Variants in HNRNPR observed in about 807,000 individuals in gnomAD.
The protein encoded by HNRNPR is heterogeneous nuclear ribonucleoprotein R.
In HNRNPR, 4 loss-of-function variants were observed where a neutral mutation model predicts 70.3. The ratio of observed to expected loss-of-function variants is 0.06; its 90% CI spans 0.03 to 0.13. The LOEUF (loss-of-function observed/expected upper bound fraction) is 0.13, where lower values mean the gene tolerates loss of function less well. Among genes scored for constraint, HNRNPR ranks in the 10% least tolerant of loss-of-function variants. HNRNPR has a pLI of 1.00. For missense variants in HNRNPR, 423 were observed against 788.5 expected (o/e 0.54, Z 5.55); for synonymous variants, 241 against 267.6 (o/e 0.90, Z 0.97).
At chr1:23,339,242 T>C (rs899293446) in intron 2 of HNRNPR, among the ~76,000 whole-genome samples, 3 of 152,360 alleles carry the variant, frequency 2.0e-5, no homozygotes, top group African/African-American at 7.2e-5. Flanking sequence ...TGCAGCTTGA[T>C]TAATCAATTC....
chr1:23,334,691 G>A (rs907358144), intron 4 of HNRNPR, among the ~76,000 whole-genome samples: 4 of 152,110 alleles, frequency 2.6e-5, no homozygotes, highest in Admixed American at 6.5e-5. Flanking sequence ...AATAAGTATA[G>A]TCAGGTTCCG....
At chr1:23,311,566 A>G (rs962560905) in intron 9 of HNRNPR, 28 of 314,698 alleles carry the variant, frequency 8.9e-5, no homozygotes, top group Non-Finnish European at 1.3e-4. Context: ...ACCTGATATT[A>G]TATTTTAAAA....
rs1028544332 is a variant in HNRNPR, at chr1:23,306,394, G to C, written c.*4060C>G. On this transcript the variant is annotated 3_prime_UTR_variant, in exon 11 of 11. Transcript: ENST00000302271. Reference sequence around the variant, plus strand: ...CCCACTACTGATAAAAAAAAAAATAGGAAAAAAAAGTTCTTACCAACAATT... The same window carrying C: ...CCCACTACTGATAAAAAAAAAAATACGAAAAAAAAGTTCTTACCAACAATT... The C allele has an allele frequency of 6.6e-6, 1 of 151,526 alleles. No individual in the cohort carries two copies. The highest frequency in any genetic ancestry group is 2.4e-5 in the African/African-American group (1 of 41,260). The allele number at this position is 151,526 out of a possible 1,614,324, so 9.4% of individuals were successfully genotyped here. A position where few individuals can be genotyped will look rare whatever the true frequency, so the allele number is the denominator to read the frequency against.
At position 23,306,764 on chromosome 1, in the gene HNRNPR, T is replaced by A. The variant is rs898549829; in HGVS notation, c.*3690A>T. On this transcript the variant is annotated 3_prime_UTR_variant, in exon 11 of 11. Coordinates refer to ENST00000302271, the MANE Select transcript of HNRNPR (RefSeq NM_005826.5). Reference sequence around the variant, plus strand: ...TGACCAATACATTGTATATGCAATATTTTTAAAGCTTGGTGTTTGCGTTTG... The same window carrying A: ...TGACCAATACATTGTATATGCAATAATTTTAAAGCTTGGTGTTTGCGTTTG... 6.6e-6 allele frequency: 1 copy of A among 152,202 alleles called. No individual in the cohort carries two copies. The highest frequency in any genetic ancestry group is 2.4e-5 in the African/African-American group (1 of 41,468). The allele number at this position is 152,202 out of a possible 1,614,324, so 9.4% of individuals were successfully genotyped here. A position where few individuals can be genotyped will look rare whatever the true frequency, so the allele number is the denominator to read the frequency against.
intron 9 of HNRNPR, chr1:23,311,972 A>C (rs2148312634): frequency 6.6e-6 from 1 of 152,406 alleles, no homozygotes. Context: ...AGAAAGCAGT[A>C]ATCAAACATT....
At position 23,318,079 on chromosome 1, in the gene HNRNPR, C is replaced by A. The variant is rs1035323536; in HGVS notation, c.1017+404G>T. Among the ~76,000 whole-genome samples the A allele has an allele frequency of 2.0e-5, 3 of 150,906 alleles. No homozygotes were observed. Among genetic ancestry groups the A allele is most frequent in the Admixed American group, 2.0e-4 (3 of 15,180 alleles). On this transcript the variant is annotated intron_variant, in intron 8 of 10. Transcript: ENST00000302271. This position sits in a 1 kb window ranked among gnomAD's most constrained non-coding sequence, Gnocchi z 4.2. The stretch of plus-strand genomic sequence containing the variant: ...CTATAAATCTAAATAAAACATAATT[C>A]ATGGCCAAGTAATAAAGTCATAATA...
intron 5 of HNRNPR, among the ~76,000 whole-genome samples, chr1:23,327,724 T>A (rs1646047440): frequency 6.6e-6 from 1 of 151,314 alleles, no homozygotes; most frequent in African/African-American, 2.4e-5. Flanking sequence ...AAATAGTGAT[T>A]ATATGATTTT....
intron 6 of HNRNPR, 121 bp downstream of exon 6, chr1:23,323,435 T>C (rs565156091): frequency 5.5e-5 from 50 of 913,998 alleles, no homozygotes; most frequent in Middle Eastern, 2.3e-4. Context: ...ACTTGGTCAG[T>C]ATAAAAACAT....
chr1:23,321,429 T>C, intron 7 of HNRNPR, 99 bp downstream of exon 7: 1 of 997,942 alleles, frequency 1.0e-6, no homozygotes, highest in African/African-American at 1.6e-5. Context: ...CAGACCTGAA[T>C]TCTTAATTTA....
chr1:23,341,827 T>G (rs939232108), intron 1 of HNRNPR, among the ~76,000 whole-genome samples: 1 of 152,188 alleles, frequency 6.6e-6, no homozygotes, highest in African/African-American at 2.4e-5. Flanking sequence ...CGTTACCTAA[T>G]TAGGCTAAAC....
At chr1:23,326,507 G>A (rs1263158008) in intron 5 of HNRNPR, among the ~76,000 whole-genome samples, 3 of 152,188 alleles carry the variant, frequency 2.0e-5, no homozygotes, top group East Asian at 1.9e-4. Flanking sequence ...TTTCCAGGCC[G>A]GGCACAGTGA....
chr1:23,321,127 C>A (rs961489786), intron 7 of HNRNPR, among the ~76,000 whole-genome samples: 2 of 141,358 alleles, frequency 1.4e-5, no homozygotes, highest in Admixed American at 1.5e-4. Flanking sequence ...CGTACCATTG[C>A]ACTCCAGCCT....
At chr1:23,343,228 C>T (rs1037412143) in intron 1 of HNRNPR, among the ~76,000 whole-genome samples, 2 of 152,112 alleles carry the variant, frequency 1.3e-5, no homozygotes, top group African/African-American at 4.8e-5. Context: ...TTTAAAAGGG[C>T]TGCTGGGAGA....
intron 4 of HNRNPR, among the ~76,000 whole-genome samples, chr1:23,336,664 C>T (rs933957640): frequency 1.1e-4 from 16 of 145,672 alleles, no homozygotes; most frequent in African/African-American, 3.9e-4. Context: ...GCAGGAGAAT[C>T]GCTTGAACCC....
chr1:23,335,424 C>T (rs1026151514), intron 4 of HNRNPR, among the ~76,000 whole-genome samples: 1 of 152,216 alleles, frequency 6.6e-6, no homozygotes, highest in Admixed American at 6.5e-5. Flanking sequence ...TGTTAGGAAC[C>T]GGGCTGCATA....
chr1:23,333,667 C>T (rs749915545), intron 4 of HNRNPR, 36 bp from the exon 5 acceptor site: 3 of 1,143,670 alleles, frequency 2.6e-6, no homozygotes, highest in Admixed American at 3.4e-5. Flanking sequence ...TACTTGAGTA[C>T]TAAATCTCAC....
chr1:23,336,116 C>CAAAA (rs71020498), intron 4 of HNRNPR, among the ~76,000 whole-genome samples: 9 of 49,482 alleles, frequency 1.8e-4, no homozygotes, highest in African/African-American at 6.5e-4. Flanking sequence ...GACTCCGTCT[C>CAAAA]AAAAAAAAAA....
Position 23,337,757 on chromosome 1 carries a change from G to C in HNRNPR, c.381C>G (p.Ile127Met), listed in dbSNP as rs1646557360. Residue 127 changes from isoleucine (I) to methionine (M), a missense_variant, in exon 4 of 11, where the codon ATC becomes ATG. By Grantham distance (10) the Ile-to-Met change is conservative. Transcript: ENST00000302271. ...ESTKGPDEAK[I>M]KALLERTGYT... ...AACTACCCAAGTCAAGTTTTACCTTGATCTTCGCTTCATCAGGTCCCTTTG... is the reference window on the plus strand; with the variant it reads ...AACTACCCAAGTCAAGTTTTACCTTCATCTTCGCTTCATCAGGTCCCTTTG... 1 of 1,597,772 alleles carries C rather than the reference G, an allele frequency of 6.3e-7. No individual in the cohort carries two copies. Among genetic ancestry groups the C allele is most frequent in the Non-Finnish European group, 8.6e-7 (1 of 1,167,806 alleles).
chr1:23,342,866 A>G (rs1646754978), intron 1 of HNRNPR, among the ~76,000 whole-genome samples: 1 of 152,242 alleles, frequency 6.6e-6, no homozygotes. Context: ...AGTACAAGAC[A>G]GAAATATTTA....
Sources: gnomAD v4.1 joint callset for allele counts (sites outside exome capture counted in the v4.1 genomes callset) on GRCh38, gnomAD v4.1.1 for gene constraint, Gnocchi (gnomAD v3.1) non-coding constraint, MANE v1.5 for transcripts, NCBI Gene and HGNC (gene_info 2026-07-23, HGNC 2026-07-21) for gene names.